MYO7B: variants seen among roughly 807,000 people sequenced by gnomAD.
MYO7B encodes myosin VIIB, also known as unconventional myosin-VIIb.
A neutral mutation model predicts 259.7 loss-of-function variants in MYO7B; 212 were observed. That is an observed-to-expected ratio of 0.82 (90% CI 0.73 to 0.91). The LOEUF (loss-of-function observed/expected upper bound fraction) is 0.91. Among genes scored for constraint, MYO7B ranks in the 40% least tolerant of loss-of-function variants. The pLI, the probability that MYO7B is intolerant of heterozygous loss-of-function variation, is 0.00. For missense variants in MYO7B, 2,732 were observed against 2,813.5 expected, an observed-to-expected ratio of 0.97 and a Z score of 0.66; for synonymous variants, 1,197 against 1,166.4, an observed-to-expected ratio of 1.03 and a Z score of -0.54.
At chr2:127,570,390 G>A (rs1445305238) in intron 6 of MYO7B, among the ~76,000 whole-genome samples, 3 of 152,198 alleles carry the variant, frequency 2.0e-5, no homozygotes. Context: ...GAAGCAGCTT[G>A]GGTCGGGAGA....
chr2:127,608,940 G>T, intron 22 of MYO7B, 62 bp downstream of exon 22: 2 of 1,545,698 alleles, frequency 1.3e-6, no homozygotes, highest in Non-Finnish European at 1.8e-6. Context: ...TGCCCAGTCC[G>T]TGAACTCAGT....
At position 127,547,774 on chromosome 2, in the gene MYO7B, A is replaced by C. The variant is rs376716483; in HGVS notation, c.-23-11926A>C. Among the ~76,000 whole-genome samples the C allele has an allele frequency of 1.4e-4, 21 of 152,306 alleles. No individual in the cohort carries two copies. The East Asian group carries it at 3.7e-3, about 27-fold the overall frequency. Reference sequence around the variant, plus strand: ...GGGTGGCAGGAAGGAGAGTGCCTCAAGTTTTTTCTTCCTTTTAATGTCTTT... The same window carrying C: ...GGGTGGCAGGAAGGAGAGTGCCTCACGTTTTTTCTTCCTTTTAATGTCTTT... On this transcript the variant is annotated intron_variant, in intron 1 of 47. Coordinates refer to ENST00000409816, the MANE Select transcript of MYO7B (RefSeq NM_001393586.1).
At chr2:127,569,405 C>A (rs1358034851) in intron 5 of MYO7B, among the ~76,000 whole-genome samples, 1 of 152,096 alleles carries the variant, frequency 6.6e-6, no homozygotes, top group Non-Finnish European at 1.5e-5. Context: ...ATCAACAGAG[C>A]CTGTGTGACC....
At position 127,586,962 on chromosome 2, in the gene MYO7B, C is replaced by T. The variant is rs1679328876; in HGVS notation, c.1691-1430C>T. On this transcript the variant is annotated intron_variant, in intron 14 of 47. Transcript: ENST00000409816. The surrounding 1 kb of genome is among the most constrained non-coding windows in gnomAD (Gnocchi z 4.8). ...CCCCCTGCCCAGCACCCAGTGCAGCCCCCCTGGTGCTGCTCCCCTCACAGA... is the reference window on the plus strand; with the variant it reads ...CCCCCTGCCCAGCACCCAGTGCAGCTCCCCTGGTGCTGCTCCCCTCACAGA... Among the ~76,000 whole-genome samples the T allele has an allele frequency of 6.6e-6, 1 of 152,070 alleles. No homozygotes were observed. The highest frequency in any genetic ancestry group is 6.5e-5 in the Admixed American group (1 of 15,274).
intron 14 of MYO7B, among the ~76,000 whole-genome samples, chr2:127,587,629 T>C (rs1679355019): frequency 6.7e-6 from 1 of 149,726 alleles, no homozygotes; most frequent in Non-Finnish European, 1.5e-5. Context: ...AGTGCAATAG[T>C]GTGATCTCAG....
intron 6 of MYO7B, among the ~76,000 whole-genome samples, chr2:127,573,636 C>T (rs1678737461): frequency 6.6e-6 from 1 of 152,236 alleles, no homozygotes; most frequent in African/African-American, 2.4e-5. Flanking sequence ...TACCTACTAA[C>T]TAGTTCTGTC....
Position 127,627,281 on chromosome 2 carries a change from C to A in MYO7B, c.4431C>A (p.Phe1477Leu), listed in dbSNP as rs781673276. ...QQEKMLLELSFPEVMGLATNR... is the reference protein window; with the variant it reads ...QQEKMLLELSLPEVMGLATNR... ...AGAAGATGCTGCTGGAACTCTCTTT[C>A]CCAGAGGTCATGGGTCTGGCCACCA... Residue 1477 changes from phenylalanine to leucine, a missense_variant, in exon 33 of 48, where the codon TTC becomes TTA. This residue lies in a region of MYO7B where 1,906 missense variants were observed against 2,026.4 expected (regional missense o/e 0.94). Transcript: ENST00000409816. This position sits in a 1 kb window ranked among gnomAD's most constrained non-coding sequence, Gnocchi z 5.6. 34 of 1,613,076 alleles carry A rather than the reference C, an allele frequency of 2.1e-5. 1 individual carries two copies. The Middle Eastern group carries it at 1.5e-3, about 70-fold the overall frequency.
At chr2:127,566,872 C>A (rs749684189) in intron 5 of MYO7B, 45 bp downstream of exon 5, 20 of 1,568,332 alleles carry the variant, frequency 1.3e-5, no homozygotes, top group East Asian at 4.5e-5. Context: ...TCTCCCTGAA[C>A]TGCTCCCCAC....
Position 127,628,223 on chromosome 2 carries a change from T to A in MYO7B, c.4461-149T>A, listed in dbSNP as rs1174629968. On this transcript the variant is annotated intron_variant, in intron 33 of 47. Coordinates refer to ENST00000409816, the MANE Select transcript of MYO7B (RefSeq NM_001393586.1). This position sits in a 1 kb window ranked among gnomAD's most constrained non-coding sequence, Gnocchi z 4.8. ...GTCCTTCATTTGTCCAGACCCACAG[T>A]GGTGTCTGGCCTAGTCCTGGCCCTG... The A allele has an allele frequency of 2.2e-6, 2 of 916,618 alleles. No individual in the cohort carries two copies. The highest frequency in any genetic ancestry group is 1.6e-5 in the African/African-American group (1 of 61,104). The allele number at this position is 916,618 out of a possible 1,614,324, so 56.8% of individuals were successfully genotyped here. A position where few individuals can be genotyped will look rare whatever the true frequency, so the allele number is the denominator to read the frequency against.
chr2:127,627,518 G>C lies in MYO7B; in HGVS notation c.4460+208G>C, dbSNP rs538137276. The C allele has an allele frequency of 4.0e-6, 3 of 743,536 alleles. No individual in the cohort carries two copies. In the Admixed American group the frequency reaches 6.1e-5, roughly 15 times the overall value. 46.1% of individuals were successfully genotyped at this position (743,536 alleles called of 1,614,324 possible). A position where few individuals can be genotyped will look rare whatever the true frequency, so the allele number is the denominator to read the frequency against. On this transcript the variant is annotated intron_variant, in intron 33 of 47. Coordinates refer to ENST00000409816, the MANE Select transcript of MYO7B (RefSeq NM_001393586.1). The surrounding 1 kb of genome is among the most constrained non-coding windows in gnomAD (Gnocchi z 5.6). ...GTACTGCCCATGAAGTACTCCATTG[G>C]GGCATCACGCGTTGCACTGGCAGCT...
Position 127,614,368 on chromosome 2 carries a change from C to T in MYO7B, c.3398+1765C>T, listed in dbSNP as rs1480974185. The stretch of plus-strand genomic sequence containing the variant: ...CCATCTAGATGCCTGAAGCTCAGCT[C>T]CTTCCACGACATCTTTTGGTCAGCA... On this transcript the variant is annotated intron_variant, in intron 26 of 47. Transcript: ENST00000409816. This position sits in a 1 kb window ranked among gnomAD's most constrained non-coding sequence, Gnocchi z 4.6. Among the ~76,000 whole-genome samples the T allele has an allele frequency of 6.6e-6, 1 of 152,072 alleles. No individual in the cohort carries two copies. The highest frequency in any genetic ancestry group is 2.4e-5 in the African/African-American group (1 of 41,406).
rs759707216 is a variant in MYO7B at position 127,569,870 on chromosome 2, G to C, written c.552G>C (p.Trp184Cys). The change falls in exon 6 of 48, where the codon TGG becomes TGC. Residue 184 changes from tryptophan (W) to cysteine (C), a missense_variant. Physicochemically the swap from Trp to Cys is radical, Grantham distance 215 (BLOSUM62 -2). Transcript: ENST00000409816. ...FLATISGQHS[W>C]IEQQVLEANP... is the part of the protein sequence containing the mutation. ...CCACCATCAGTGGCCAGCATTCGTG[G>C]ATTGAGCAGCAGGTCCTGGAAGCCA... 2.5e-6 allele frequency: 4 copies of C among 1,613,460 alleles called. No individual in the cohort carries two copies. Among genetic ancestry groups the C allele is most frequent in the Non-Finnish European group, 3.4e-6 (4 of 1,179,622 alleles).
Position 127,566,670 on chromosome 2 carries a change from G to T in MYO7B, c.313G>T (p.Val105Phe). The part of the protein sequence containing the change: ...YTYTGSILVA[V>F]NPFQVLPLYT... ...ATACACAGGCTCCATCCTGGTGGCCGTCAACCCGTTCCAGGTGCTGCCGCT... is the reference window on the plus strand; with the variant it reads ...ATACACAGGCTCCATCCTGGTGGCCTTCAACCCGTTCCAGGTGCTGCCGCT... The change falls in exon 5 of 48, where the codon GTC becomes TTC. Residue 105 changes from valine to phenylalanine, a missense_variant. By Grantham distance (50) the Val-to-Phe change is conservative (BLOSUM62 -1). This residue lies in a region of MYO7B where 1,906 missense variants were observed against 2,026.4 expected (regional missense o/e 0.94). Transcript: ENST00000409816. 1 of 1,597,988 alleles carries T rather than the reference G, an allele frequency of 6.3e-7. No homozygotes were observed. Among genetic ancestry groups the T allele is most frequent in the Non-Finnish European group, 8.5e-7 (1 of 1,173,296 alleles).
At chr2:127,634,573 C>G in intron 41 of MYO7B, 23 bp from the exon 42 acceptor site, 2 of 1,599,582 alleles carry the variant, frequency 1.3e-6, no homozygotes. Flanking sequence ...CACCCAACTT[C>G]CCTGTACCTT....
At chr2:127,562,713 C>A (rs1269665478) in intron 2 of MYO7B, among the ~76,000 whole-genome samples, 2 of 152,014 alleles carry the variant, frequency 1.3e-5, no homozygotes, top group Non-Finnish European at 2.9e-5. Context: ...GTCTTGAACT[C>A]CTGACCTTGT....
intron 19 of MYO7B, among the ~76,000 whole-genome samples, chr2:127,601,311 G>A (rs1573676583): frequency 6.6e-6 from 1 of 152,190 alleles, no homozygotes; most frequent in Non-Finnish European, 1.5e-5. Context: ...TCGGAGGTGT[G>A]CTCTGAAAAA....
In MYO7B at chr2:127,613,281, T is replaced by C. The variant is rs13006453; in HGVS notation, c.3398+678T>C. ...TTATCTTTTCTTTCTTTTTTCTCTG[T>C]GTTCTTTAGATTGGATAGTTTCTAT... On this transcript the variant is annotated intron_variant, in intron 26 of 47. Transcript: ENST00000409816. This position sits in a 1 kb window ranked among gnomAD's most constrained non-coding sequence, Gnocchi z 4.3. 0.16 allele frequency among the ~76,000 whole-genome samples: 23,954 copies of C among 152,228 alleles called. 2,182 individuals are homozygous for C. The highest frequency in any genetic ancestry group is 0.3 in the South Asian group (1,420 of 4,812).
At chr2:127,632,582 A>T (rs540151179) in intron 39 of MYO7B, among the ~76,000 whole-genome samples, 181 bp downstream of exon 39, 6 of 152,162 alleles carry the variant, frequency 3.9e-5, no homozygotes, top group Non-Finnish European at 8.8e-5. Context: ...GGTGAGGCCC[A>T]GGAGGGTCAA....
chr2:127,608,906 G>A (rs772255105), intron 22 of MYO7B, 28 bp downstream of exon 22: 97 of 1,596,790 alleles, frequency 6.1e-5, no homozygotes, highest in Middle Eastern at 1.7e-4. Flanking sequence ...TCCACAATCC[G>A]CCCCGGGTGG....
Sources: gnomAD v4.1 joint callset for allele counts (sites outside exome capture counted in the v4.1 genomes callset) on GRCh38, gnomAD v4.1.1 for gene constraint, gnomAD v4.1.1 regional missense constraint, Gnocchi (gnomAD v3.1) non-coding constraint, MANE v1.5 for transcripts, NCBI Gene and HGNC (gene_info 2026-07-23, HGNC 2026-07-21) for gene names.